INCENP: variants seen among roughly 807,000 people sequenced by gnomAD.
INCENP encodes the protein binds and activates aurora-B and -C in vivo and in vitro.
Under a neutral mutation model 107.3 loss-of-function variants are expected in INCENP, and 43 were observed. The observed-to-expected ratio is 0.40, with a 90% CI of 0.31 to 0.52. INCENP has a LOEUF of 0.52. INCENP is among the 20% of genes least tolerant of loss of function. The pLI, the probability that INCENP is intolerant of heterozygous loss-of-function variation, is 0.53. For missense variants in INCENP, 1,089 were observed against 1,250.9 expected (o/e 0.87, Z 1.95); for synonymous variants, 488 against 494.4 (o/e 0.99, Z 0.17).
chr11:62,141,963 C>T (rs921369317), intron 11 of INCENP, among the ~76,000 whole-genome samples: 2 of 152,178 alleles, frequency 1.3e-5, no homozygotes, highest in African/African-American at 2.4e-5. Flanking sequence ...AAGTGTGGGT[C>T]TGAACTGAGG....
Position 62,128,900 on chromosome 11 carries a change from G to A in INCENP, c.254+17G>A. 1 of 1,530,160 alleles carries A rather than the reference G, an allele frequency of 6.5e-7. No homozygotes were observed. Among genetic ancestry groups the A allele is most frequent in the African/African-American group, 1.4e-5 (1 of 73,294 alleles). 94.8% of individuals were successfully genotyped at this position (1,530,160 alleles called of 1,614,324 possible). On this transcript the variant is annotated intron_variant, in intron 3 of 18. Coordinates refer to ENST00000394818, the MANE Select transcript of INCENP (RefSeq NM_001040694.2). ...CAGGAGAAGGTAGGAGGGGTTGGGG[G>A]AGAGTGAGCTGAGCAGTGGGCTCTG...
intron 18 of INCENP, among the ~76,000 whole-genome samples, chr11:62,151,252 CT>C (rs759916618): frequency 3.3e-5 from 5 of 152,190 alleles, no homozygotes; most frequent in Non-Finnish European, 7.3e-5. Context: ...TCCTGATCCC[CT>C]GGGTCTTCCT....
At chr11:62,135,624 G>A (rs1410464114) in intron 4 of INCENP, among the ~76,000 whole-genome samples, 2 of 152,022 alleles carry the variant, frequency 1.3e-5, no homozygotes, top group African/African-American at 2.4e-5. Context: ...CGATCATTTC[G>A]AAAATATTGT....
At chr11:62,137,700 A>G in intron 4 of INCENP, 132 bp from the exon 5 acceptor site, 1 of 777,702 alleles carries the variant, frequency 1.3e-6, no homozygotes, top group Non-Finnish European at 2.3e-6. Flanking sequence ...GGTCCTGGGC[A>G]TGGTGGGGGC....
intron 7 of INCENP, 80 bp from the exon 8 acceptor site, chr11:62,140,154 A>G: frequency 8.1e-7 from 1 of 1,236,018 alleles, no homozygotes; most frequent in Non-Finnish European, 1.2e-6. Flanking sequence ...CTGCCCAAGG[A>G]CCCCTTCCCC....
Position 62,128,283 on chromosome 11 carries a change from C to A in INCENP, c.122C>A (p.Ala41Asp). 6.2e-7 allele frequency: 1 copy of A among 1,614,116 alleles called. No homozygotes were observed. The highest frequency in any genetic ancestry group is 8.5e-7 in the Non-Finnish European group (1 of 1,180,010). ...LVWLEEIQEE[A>D]ERMFTREFSK... ...TGGCTTGAGGAAATCCAAGAGGAGG[C>A]CGAGCGCATGTTCACCAGGTGAAGA... is the stretch of plus-strand genomic sequence containing the variant. Residue 41 changes from alanine (A) to aspartate (D), a missense_variant, in exon 2 of 19, where the codon GCC becomes GAC. Transcript: ENST00000394818.
intron 16 of INCENP, 39 bp from the exon 17 acceptor site, chr11:62,148,700 G>A (rs1165400210): frequency 6.6e-7 from 1 of 1,514,888 alleles, no homozygotes; most frequent in Non-Finnish European, 8.9e-7. Context: ...AAGGGCACCT[G>A]CACAGCTCCC....
At chr11:62,138,082 G>A (rs950821422) in intron 5 of INCENP, 199 bp downstream of exon 5, 6 of 612,332 alleles carry the variant, frequency 9.8e-6, no homozygotes, top group South Asian at 1.9e-5. Flanking sequence ...TGCAGCACCC[G>A]TCAGCGTTGC....
chr11:62,144,818 C>CT, intron 11 of INCENP, 164 bp from the exon 12 acceptor site: 1 of 778,320 alleles, frequency 1.3e-6, no homozygotes, highest in South Asian at 1.4e-5. Context: ...CGGGCCTTGG[C>CT]TTGGGTGCTG....
In INCENP at chr11:62,136,773, G is replaced by A. The variant is rs537304143; in HGVS notation, c.1064-1059G>A. Among the ~76,000 whole-genome samples, 5 of 152,328 alleles carry A rather than the reference G, an allele frequency of 3.3e-5. No individual in the cohort carries two copies. The South Asian group carries it at 6.2e-4, about 19-fold the overall frequency. ...TCTCCTTCCCGTGAGTGTGTGGTCC[G>A]AGGATAGTGTTTGATGCTCTGGCCT... On this transcript the variant is annotated intron_variant, in intron 4 of 18. Coordinates refer to ENST00000394818, the MANE Select transcript of INCENP (RefSeq NM_001040694.2).
intron 7 of INCENP, 135 bp downstream of exon 7, chr11:62,139,140 G>A: frequency 1.5e-6 from 1 of 658,610 alleles, no homozygotes; most frequent in Non-Finnish European, 2.7e-6. Flanking sequence ...TAAACCTGGG[G>A]GTGCAGAGAT....
intron 4 of INCENP, among the ~76,000 whole-genome samples, chr11:62,135,696 A>G (rs1007359823): frequency 1.1e-4 from 17 of 152,360 alleles, no homozygotes; most frequent in African/African-American, 3.6e-4. Context: ...ATCCTAAAAA[A>G]GCACATTTGT....
intron 1 of INCENP, among the ~76,000 whole-genome samples, chr11:62,126,200 G>GTT (rs57052675): frequency 4.2e-4 from 42 of 100,036 alleles, no homozygotes; most frequent in Admixed American, 2.1e-3. Context: ...GTTGTGCATG[G>GTT]TTTTTTTTTT....
chr11:62,145,062 C>T lies in INCENP; in HGVS notation c.1686C>T (p.Asp562=). 6.2e-7 allele frequency: 1 copy of T among 1,613,598 alleles called. No individual in the cohort carries two copies. Among genetic ancestry groups the T allele is most frequent in the Non-Finnish European group, 8.5e-7 (1 of 1,179,810 alleles). ...TGCGCAGGCAGAAGGTGGAGGAGGA[C>T]AAGCGGCGGCGGCTGGAGGAGGTGA... is the stretch of plus-strand genomic sequence containing the variant. ...EQLRRQKVEE[D]KRRRLEEVKL... The change falls in exon 12 of 19, where the codon GAC becomes GAT. Residue 562 remains aspartate, a synonymous_variant. Coordinates refer to ENST00000394818, the MANE Select transcript of INCENP (RefSeq NM_001040694.2).
At chr11:62,127,420 T>C (rs1943776189) in intron 1 of INCENP, among the ~76,000 whole-genome samples, 1 of 152,262 alleles carries the variant, frequency 6.6e-6, no homozygotes, top group African/African-American at 2.4e-5. Flanking sequence ...TCTTGCTCAA[T>C]GCTTGTAGGC....
rs754388463 is a variant in INCENP at position 62,145,217 on chromosome 11, G to A, written c.1764G>A (p.Val588=). 4 of 1,614,050 alleles carry A rather than the reference G, an allele frequency of 2.5e-6. No homozygotes were observed. The African/African-American group carries it at 4.0e-5, about 16-fold the overall frequency. Residue 588 remains valine (V), a synonymous_variant, in exon 13 of 19, where the codon GTG becomes GTA. Coordinates refer to ENST00000394818, the MANE Select transcript of INCENP (RefSeq NM_001040694.2). The part of the protein sequence containing the change: ...LRKVLQARER[V]EQMKEEKKKQ... ...AGGTGCTGCAGGCCCGCGAGCGGGTGGAGCAGATGAAGGAGGAGAAGAAGA... is the reference window on the plus strand; with the variant it reads ...AGGTGCTGCAGGCCCGCGAGCGGGTAGAGCAGATGAAGGAGGAGAAGAAGA...
In INCENP at chr11:62,148,572, GC is replaced by G; in HGVS notation, c.2283+19del. 6.3e-7 allele frequency: 1 copy of G among 1,592,162 alleles called. No homozygotes were observed. The highest frequency in any genetic ancestry group is 8.5e-7 in the Non-Finnish European group (1 of 1,169,720). On this transcript the variant is annotated intron_variant, in intron 16 of 18. Coordinates refer to ENST00000394818, the MANE Select transcript of INCENP (RefSeq NM_001040694.2). ...AGAAGAAGGTGAGGGGAGCTGGGTT[GC>G]GGGCTCCCCTGGGGTCTGCCCTGAG...
chr11:62,148,495 A>G lies in INCENP; in HGVS notation c.2224A>G (p.Lys742Glu). Reference sequence around the variant, plus strand: ...CCTCAGGGAGCTGCAGGAGCGGGAGAAGGCCCTGCGGCTGCAGAAGGAGCA... The same window carrying G: ...CCTCAGGGAGCTGCAGGAGCGGGAGGAGGCCCTGCGGCTGCAGAAGGAGCA... ...QAERELQERE[K>E]ALRLQKEQLQ... Residue 742 changes from lysine to glutamate, a missense_variant, in exon 16 of 19, where the codon AAG becomes GAG. Coordinates refer to ENST00000394818, the MANE Select transcript of INCENP (RefSeq NM_001040694.2). The G allele has an allele frequency of 6.2e-7, 1 of 1,606,710 alleles. No individual in the cohort carries two copies. Among genetic ancestry groups the G allele is most frequent in the African/African-American group, 1.3e-5 (1 of 74,956 alleles).
intron 4 of INCENP, among the ~76,000 whole-genome samples, chr11:62,131,517 C>T (rs1413351535): frequency 2.6e-5 from 4 of 151,970 alleles, no homozygotes; most frequent in Non-Finnish European, 5.9e-5. Flanking sequence ...TGCGCTTTTG[C>T]TGAGTGGAAA....
Sources: allele counts gnomAD v4.1 joint callset (sites outside exome capture counted in the v4.1 genomes callset), GRCh38; gene constraint gnomAD v4.1.1; transcripts MANE v1.5; gene names NCBI Gene and HGNC (gene_info 2026-07-23, HGNC 2026-07-21).